The following RUBCNL variants were observed in gnomAD, a reference collection of about 807,000 sequenced individuals.
RUBCNL encodes the protein rubicon like autophagy enhancer, also known as protein associated with UVRAG as autophagy enhancer.
RUBCNL carries 62 observed loss-of-function variants against 69.5 expected under a neutral mutation model. That is an observed-to-expected ratio of 0.89 (90% CI 0.73 to 1.10). RUBCNL has a LOEUF of 1.10. Ranked by LOEUF, RUBCNL falls within the 50% of genes least tolerant of loss-of-function variation. The probability of loss-of-function intolerance (pLI) is 0.00; values close to 1 mark genes in which losing one functional copy is unlikely to be tolerated. For missense variants in RUBCNL, 768 were observed against 798.1 expected (o/e 0.96, Z 0.45); for synonymous variants, 291 against 303.6 (o/e 0.96, Z 0.43).
Position 46,372,546 on chromosome 13 carries a change from G to A in RUBCNL, c.-71C>T. On this transcript the variant is annotated 5_prime_UTR_variant, in exon 3 of 15. Transcript: ENST00000429979. ...AGTTCCCTGATTGCTGGTACTACTT[G>A]ATTTGGGCCCTGAACTCACCACATG... 1 of 1,513,058 alleles carries A rather than the reference G, an allele frequency of 6.6e-7. No individual in the cohort carries two copies. The allele number at this position is 1,513,058 out of a possible 1,614,324, so 93.7% of individuals were successfully genotyped here. A position where few individuals can be genotyped will look rare whatever the true frequency, so the allele number is the denominator to read the frequency against.
chr13:46,367,999 TGAAACACATA>T, intron 5 of RUBCNL, 33 bp downstream of exon 5: 1 of 1,565,196 alleles, frequency 6.4e-7, no homozygotes, highest in South Asian at 1.1e-5. Context: ...GAGATATATG[TGAAACACATA>T]ACATACAGCT....
upstream of RUBCNL, chr13:46,387,686 G>C: frequency 1.0e-6 from 1 of 985,674 alleles, no homozygotes; most frequent in African/African-American, 1.7e-5. Flanking sequence ...CCCGGAACGT[G>C]AGCTGTCTCT....
chr13:46,368,673 GAAC>G, intron 4 of RUBCNL, 57 bp downstream of exon 4: 9 of 1,465,456 alleles, frequency 6.1e-6, no homozygotes, highest in Non-Finnish European at 6.6e-6. Flanking sequence ...ATTTAAATCA[GAAC>G]AACACTATCT....
Position 46,377,885 on chromosome 13 carries a change from C to T in RUBCNL, c.-123+5G>A, listed in dbSNP as rs2049030911. The stretch of plus-strand genomic sequence containing the variant: ...AGAAGACAAAAGGCCAGGTCGGACA[C>T]TCACCAGGAGTATGAATTTCTCGAA... On this transcript the variant is annotated splice_donor_5th_base_variant and intron_variant, in intron 2 of 14. Coordinates refer to ENST00000429979, the MANE Select transcript of RUBCNL (RefSeq NM_025113.5). 2 of 1,576,958 alleles carry T rather than the reference C, an allele frequency of 1.3e-6. No individual in the cohort carries two copies. The highest frequency in any genetic ancestry group is 1.3e-5 in the African/African-American group (1 of 74,324).
chr13:46,347,122 CCTTTT>C lies in RUBCNL; in HGVS notation c.1632-1527_1632-1523del, dbSNP rs2048262857. On this transcript the variant is annotated intron_variant, in intron 12 of 14. Transcript: ENST00000429979. ...AATACCTCTTAATAGACTTTTAATG[CCTTTT>C]CTTATTTAAAAACAAAACTAGTAAC... Among the ~76,000 whole-genome samples, 3 of 152,240 alleles carry C rather than the reference CCTTTT, an allele frequency of 2.0e-5. No individual in the cohort carries two copies. The East Asian group carries it at 5.8e-4, about 29-fold the overall frequency.
chr13:46,372,605 G>A lies in RUBCNL; in HGVS notation c.-122-8C>T. 3 of 1,440,010 alleles carry A rather than the reference G, an allele frequency of 2.1e-6. No homozygotes were observed. The highest frequency in any genetic ancestry group is 2.7e-6 in the Non-Finnish European group (3 of 1,099,472). The allele number at this position is 1,440,010 out of a possible 1,614,324, so 89.2% of individuals were successfully genotyped here. Reference sequence around the variant, plus strand: ...GGGGTCTGGAGAGCTATTCTGCAATGAGCAAGGAATCATTCAAAATAAGTA... The same window carrying A: ...GGGGTCTGGAGAGCTATTCTGCAATAAGCAAGGAATCATTCAAAATAAGTA... On this transcript the variant is annotated splice_region_variant and splice_polypyrimidine_tract_variant and intron_variant, in intron 2 of 14. Coordinates refer to ENST00000429979, the MANE Select transcript of RUBCNL (RefSeq NM_025113.5).
chr13:46,383,244 T>C (rs776433124), intron 1 of RUBCNL, among the ~76,000 whole-genome samples: 6 of 152,366 alleles, frequency 3.9e-5, no homozygotes, highest in Middle Eastern at 6.8e-3. Context: ...GTTGCCTATC[T>C]GACCTCCTTA....
chr13:46,337,669 CT>C lies in RUBCNL; in HGVS notation c.*5715del, dbSNP rs1470439401. Reference sequence around the variant, plus strand: ...TAAACAGACTACGACAGTGACAAACCTGTTCCCTCAGTACTCATCCCCTGGA... The same window carrying C: ...TAAACAGACTACGACAGTGACAAACCGTTCCCTCAGTACTCATCCCCTGGA... On this transcript the variant is annotated 3_prime_UTR_variant, in exon 15 of 15. Coordinates refer to ENST00000429979, the MANE Select transcript of RUBCNL (RefSeq NM_025113.5). Among the ~76,000 whole-genome samples the C allele has an allele frequency of 6.6e-6, 1 of 152,176 alleles. No homozygotes were observed. Among genetic ancestry groups the C allele is most frequent in the Admixed American group, 6.5e-5 (1 of 15,280 alleles).
upstream of RUBCNL, among the ~76,000 whole-genome samples, chr13:46,388,701 A>G (rs1225610215): frequency 6.6e-6 from 1 of 152,196 alleles, no homozygotes; most frequent in Non-Finnish European, 1.5e-5. Context: ...TCCCTGCTGC[A>G]TAAAACCAAA....
Position 46,341,353 on chromosome 13 carries a change from T to C in RUBCNL, c.*2032A>G, listed in dbSNP as rs2048140649. On this transcript the variant is annotated 3_prime_UTR_variant, in exon 15 of 15. Coordinates refer to ENST00000429979, the MANE Select transcript of RUBCNL (RefSeq NM_025113.5). ...AGCTATATATGCCACAACTAATTAC[T>C]TCCTTATGGGGTGCTCCATGTGGGC... 6.6e-6 allele frequency among the ~76,000 whole-genome samples: 1 copy of C among 152,162 alleles called. No homozygotes were observed. The highest frequency in any genetic ancestry group is 6.5e-5 in the Admixed American group (1 of 15,284).
intron 2 of RUBCNL, among the ~76,000 whole-genome samples, chr13:46,377,591 T>C (rs2049022825): frequency 1.3e-5 from 2 of 152,194 alleles, no homozygotes; most frequent in South Asian, 4.1e-4. Flanking sequence ...AAACAAGTTA[T>C]AGTTAATAGT....
chr13:46,375,048 A>G (rs2048958997), intron 2 of RUBCNL, among the ~76,000 whole-genome samples: 1 of 152,072 alleles, frequency 6.6e-6, no homozygotes, highest in South Asian at 2.1e-4. Context: ...AGAGGTGCTC[A>G]CTTCCTGCTA....
chr13:46,343,610 G>A, intron 14 of RUBCNL, 113 bp from the exon 15 acceptor site: 4 of 1,137,520 alleles, frequency 3.5e-6, no homozygotes, highest in Non-Finnish European at 4.9e-6. Context: ...AGAGCCCAGA[G>A]TCTTCTAAAA....
chr13:46,346,438 C>T (rs546403173), intron 12 of RUBCNL, among the ~76,000 whole-genome samples: 6 of 152,240 alleles, frequency 3.9e-5, no homozygotes, highest in Admixed American at 1.3e-4. Flanking sequence ...ATGCTGCCTC[C>T]GTTTGTATCC....
chr13:46,377,876 G>A lies in RUBCNL; in HGVS notation c.-123+14C>T, dbSNP rs764456449. 1 of 1,524,292 alleles carries A rather than the reference G, an allele frequency of 6.6e-7. No individual in the cohort carries two copies. Among genetic ancestry groups the A allele is most frequent in the South Asian group, 1.1e-5 (1 of 87,448 alleles). 94.4% of individuals were successfully genotyped at this position (1,524,292 alleles called of 1,614,324 possible). A position where few individuals can be genotyped will look rare whatever the true frequency, so the allele number is the denominator to read the frequency against. Reference sequence around the variant, plus strand: ...GTGGCAGAGAGAAGACAAAAGGCCAGGTCGGACACTCACCAGGAGTATGAA... The same window carrying A: ...GTGGCAGAGAGAAGACAAAAGGCCAAGTCGGACACTCACCAGGAGTATGAA... On this transcript the variant is annotated intron_variant, in intron 2 of 14. Coordinates refer to ENST00000429979, the MANE Select transcript of RUBCNL (RefSeq NM_025113.5).
At chr13:46,345,741 C>T in intron 12 of RUBCNL, 141 bp from the exon 13 acceptor site, 1 of 825,490 alleles carries the variant, frequency 1.2e-6, no homozygotes, top group Non-Finnish European at 1.8e-6. Flanking sequence ...CCAAGAACAA[C>T]AGTGAACCAT....
At chr13:46,364,806 A>G (rs1350106296) in intron 5 of RUBCNL, among the ~76,000 whole-genome samples, 7 of 152,000 alleles carry the variant, frequency 4.6e-5, no homozygotes, top group Non-Finnish European at 8.8e-5. Flanking sequence ...GAAGTACTTA[A>G]TAAAAGATAA....
In RUBCNL at chr13:46,335,272, T is replaced by G. The variant is rs61331083; in HGVS notation, c.*8113A>C. Among the ~76,000 whole-genome samples the G allele has an allele frequency of 9.5e-3, 1,035 of 108,782 alleles. 18 individuals carry two copies. Among genetic ancestry groups the G allele is most frequent in the African/African-American group, 0.025 (859 of 35,016 alleles). The allele number at this position is 108,782 out of a possible 152,430, so 71.4% of individuals were successfully genotyped here. ...TGTTGTTGTTGTTGTTTTTTTTTTT[T>G]TTTTTTTTTTTTTAAGAGACAGGGT... On this transcript the variant is annotated 3_prime_UTR_variant, in exon 15 of 15. Transcript: ENST00000429979.
chr13:46,339,964 GT>G lies in RUBCNL; in HGVS notation c.*3420del, dbSNP rs1174724440. On this transcript the variant is annotated 3_prime_UTR_variant, in exon 15 of 15. Transcript: ENST00000429979. Reference sequence around the variant, plus strand: ...GAAATCAAGGGGTCAGCCATGTTGGGTTTTTTTTTTAAGGCTCTGAGGAAGA... The same window carrying G: ...GAAATCAAGGGGTCAGCCATGTTGGGTTTTTTTTTAAGGCTCTGAGGAAGA... Among the ~76,000 whole-genome samples the G allele has an allele frequency of 9.4e-5, 14 of 148,536 alleles. No individual in the cohort carries two copies. In the East Asian group the frequency reaches 9.8e-4, roughly 10 times the overall value.
Sources: allele counts gnomAD v4.1 joint callset (sites outside exome capture counted in the v4.1 genomes callset), GRCh38; gene constraint gnomAD v4.1.1; transcripts MANE v1.5; gene names NCBI Gene and HGNC (gene_info 2026-07-23, HGNC 2026-07-21).